EXOC4: variants seen among roughly 807,000 people sequenced by gnomAD.
EXOC4 encodes exocyst complex component 4.
Under a neutral mutation model 107.2 loss-of-function variants are expected in EXOC4, and 71 were observed. The observed-to-expected ratio is 0.66, with a 90% CI of 0.55 to 0.81. The LOEUF (loss-of-function observed/expected upper bound fraction) is 0.81, where lower values mean the gene tolerates loss of function less well. Ranked by LOEUF, EXOC4 falls within the 30% of genes least tolerant of loss-of-function variation. EXOC4 has a pLI of 0.00. For missense variants in EXOC4, 1,108 were observed against 1,189.6 expected (o/e 0.93, Z 1.01); for synonymous variants, 456 against 441.2 (o/e 1.03, Z -0.42).
At chr7:133,967,888 A>C (rs942134861) in intron 14 of EXOC4, among the ~76,000 whole-genome samples, 1 of 152,088 alleles carries the variant, frequency 6.6e-6, no homozygotes, top group Admixed American at 6.5e-5. Context: ...TATCCTTGTT[A>C]ATATTCTGTC....
chr7:133,962,179 T>C (rs1034341526), intron 14 of EXOC4, among the ~76,000 whole-genome samples: 5 of 152,148 alleles, frequency 3.3e-5, no homozygotes, highest in Admixed American at 6.5e-5. Flanking sequence ...AACTCTTGTC[T>C]CATCTAGGGC....
At chr7:133,997,239 T>C (rs994071104) in intron 14 of EXOC4, among the ~76,000 whole-genome samples, 6 of 152,190 alleles carry the variant, frequency 3.9e-5, no homozygotes, top group African/African-American at 9.7e-5. Flanking sequence ...AAAGTAATTA[T>C]GGTTTTTGAC....
At chr7:133,545,453 T>C (rs1212339910) in intron 9 of EXOC4, among the ~76,000 whole-genome samples, 1 of 152,206 alleles carries the variant, frequency 6.6e-6, no homozygotes, top group African/African-American at 2.4e-5. Flanking sequence ...ACCTTATAGC[T>C]GATCAATAAA....
chr7:134,079,560 A>C, the EXOC4 span, among the ~76,000 whole-genome samples: 5,861 of 152,226 alleles, frequency 0.039, 207 homozygotes, highest in Non-Finnish European at 0.055. Context: ...AGCCCTTGAA[A>C]GGTTTGCCAC....
At chr7:133,913,246 T>C (rs1799735411) in intron 12 of EXOC4, among the ~76,000 whole-genome samples, 1 of 152,192 alleles carries the variant, frequency 6.6e-6, no homozygotes, top group Admixed American at 6.5e-5. Flanking sequence ...GAGATAAAGC[T>C]GAAAAGATAG....
chr7:133,270,015 C>T (rs983630810), intron 1 of EXOC4, among the ~76,000 whole-genome samples: 29 of 152,152 alleles, frequency 1.9e-4, no homozygotes, highest in African/African-American at 7.0e-4. Flanking sequence ...TCCCGCGTGT[C>T]GTGGGAGCAA....
chr7:133,976,558 ATAGT>A (rs775868521), intron 14 of EXOC4, among the ~76,000 whole-genome samples: 4 of 87,000 alleles, frequency 4.6e-5, no homozygotes, highest in Non-Finnish European at 9.2e-5. Flanking sequence ...AACCAATATG[ATAGT>A]TAGCACATGG....
chr7:133,775,570 A>G (rs998440341), intron 10 of EXOC4, among the ~76,000 whole-genome samples: 1 of 152,214 alleles, frequency 6.6e-6, no homozygotes, highest in Admixed American at 6.5e-5. Flanking sequence ...AGGCATGTCT[A>G]TAACTATACT....
chr7:133,978,177 C>T (rs1793888180), intron 14 of EXOC4, among the ~76,000 whole-genome samples: 12 of 152,008 alleles, frequency 7.9e-5, no homozygotes, highest in Admixed American at 7.9e-4. Context: ...TTACATGTCA[C>T]TTCCTTTTCT....
rs1800979355 is a variant in EXOC4 at position 133,962,924 on chromosome 7, G to A, written c.2206+24855G>A. Among the ~76,000 whole-genome samples, 3 of 152,178 alleles carry A rather than the reference G, an allele frequency of 2.0e-5. No individual in the cohort carries two copies. The South Asian group carries it at 6.2e-4, about 32-fold the overall frequency. ...TAATTGCACTCAAGTTAGGAAATTC[G>A]GAGTTAATGTTCCCCTGGCATCTCT... On this transcript the variant is annotated intron_variant, in intron 14 of 17. Coordinates refer to ENST00000253861, the MANE Select transcript of EXOC4 (RefSeq NM_021807.4).
chr7:133,990,953 T>C (rs1163206699), intron 14 of EXOC4, among the ~76,000 whole-genome samples: 1 of 152,186 alleles, frequency 6.6e-6, no homozygotes, highest in African/African-American at 2.4e-5. Flanking sequence ...AGCAGTGAGA[T>C]TGCTGGCTCA....
chr7:133,386,113 A>T (rs975977186), intron 7 of EXOC4, among the ~76,000 whole-genome samples: 4 of 152,144 alleles, frequency 2.6e-5, no homozygotes, highest in African/African-American at 7.2e-5. Flanking sequence ...CCATCTCTGC[A>T]TAGAGATTTG....
chr7:133,918,540 G>A (rs886621566), intron 13 of EXOC4, among the ~76,000 whole-genome samples: 3 of 152,202 alleles, frequency 2.0e-5, no homozygotes, highest in Admixed American at 6.5e-5. Context: ...CTGTGTGTGT[G>A]TTCACATACA....
intron 11 of EXOC4, among the ~76,000 whole-genome samples, chr7:133,862,482 CAG>C (rs769229223): frequency 3.0e-4 from 45 of 151,864 alleles, no homozygotes; most frequent in East Asian, 3.9e-4. Flanking sequence ...GACTTCGTCT[CAG>C]GGGGCGGGGA....
the EXOC4 span, among the ~76,000 whole-genome samples, chr7:134,080,877 T>C: frequency 6.6e-6 from 1 of 151,918 alleles, no homozygotes; most frequent in African/African-American, 2.4e-5. Flanking sequence ...GCCCAGAAGT[T>C]CGGGGTTGAA....
At chr7:133,930,746 T>A (rs1367773086) in intron 13 of EXOC4, 1 of 152,066 alleles carries the variant, frequency 6.6e-6, no homozygotes, top group African/African-American at 2.4e-5. Flanking sequence ...ATTTTTTTCT[T>A]AAGTGATGTT....
intron 7 of EXOC4, among the ~76,000 whole-genome samples, chr7:133,442,146 T>A (rs550248475): frequency 6.6e-6 from 1 of 152,328 alleles, no homozygotes; most frequent in Admixed American, 6.5e-5. Context: ...TTCATGTATG[T>A]TTTTTAATAC....
chr7:133,440,001 T>G (rs920427664), intron 7 of EXOC4, among the ~76,000 whole-genome samples: 2 of 152,228 alleles, frequency 1.3e-5, no homozygotes, highest in Non-Finnish European at 2.9e-5. Context: ...TTTTTTACTT[T>G]TTAATTCAAT....
intron 2 of EXOC4, among the ~76,000 whole-genome samples, chr7:133,287,693 AT>A (rs1223661973): frequency 6.6e-6 from 1 of 152,162 alleles, no homozygotes; most frequent in African/African-American, 2.4e-5. Flanking sequence ...TAGAAGCATG[AT>A]TTAGGTGTTG....
Sources: allele counts gnomAD v4.1 joint callset (sites outside exome capture counted in the v4.1 genomes callset), GRCh38; gene constraint gnomAD v4.1.1; transcripts MANE v1.5; gene names NCBI Gene and HGNC (gene_info 2026-07-23, HGNC 2026-07-21).